Variants in ITGB5 observed in about 807,000 individuals in gnomAD.
ITGB5 encodes the protein integrin beta-5.
In ITGB5, 38 loss-of-function variants were observed where a neutral mutation model predicts 84.8. That is an observed-to-expected ratio of 0.45 (90% confidence interval 0.35 to 0.59). The LOEUF (loss-of-function observed/expected upper bound fraction) is 0.59, where lower values mean the gene tolerates loss of function less well. ITGB5 is among the 20% of genes least tolerant of loss of function. The pLI, the probability that ITGB5 is intolerant of heterozygous loss-of-function variation, is 0.01. For synonymous variants in ITGB5, 393 were observed against 414.4 expected, an observed-to-expected ratio of 0.95 and a Z score of 0.63; for missense variants, 905 against 1,034.5, an observed-to-expected ratio of 0.87 and a Z score of 1.72.
In ITGB5 at chr3:124,873,508, T is replaced by G. The variant is rs747791541; in HGVS notation, c.94A>C (p.Ser32Arg). The change falls in exon 2 of 15, where the codon AGT (serine) becomes CGT (arginine). Residue 32 changes from serine (S) to arginine (R), a missense_variant. By Grantham distance (110) the Ser-to-Arg change is moderately radical (BLOSUM62 -1). Transcript: ENST00000296181. Reference sequence around the variant, plus strand: ...AGACATTCTTCACATGAGGTGGCACTTCCACTAGTGCATATGTTGAGACCT... The same window carrying G: ...AGACATTCTTCACATGAGGTGGCACGTCCACTAGTGCATATGTTGAGACCT... ...LAGLNICTSG[S>R]ATSCEECLLI... 2.8e-5 allele frequency: 45 copies of G among 1,613,594 alleles called. No homozygotes were observed. Among genetic ancestry groups the G allele is most frequent in the Non-Finnish European group, 3.5e-5 (41 of 1,179,668 alleles).
intron 1 of ITGB5, among the ~76,000 whole-genome samples, chr3:124,900,838 A>G (rs1455667592): frequency 6.6e-6 from 1 of 152,224 alleles, no homozygotes; most frequent in Non-Finnish European, 1.5e-5. Context: ...AATCACCGCT[A>G]AATAAAACAT....
chr3:124,772,296 G>A (rs1457577436), intron 11 of ITGB5, among the ~76,000 whole-genome samples: 1 of 152,122 alleles, frequency 6.6e-6, no homozygotes, highest in Admixed American at 6.6e-5. Context: ...TTAAAACCCA[G>A]CCCTGTCTAT....
Position 124,769,043 on chromosome 3 carries a change from C to T in ITGB5, c.1987G>A (p.Asp663Asn), listed in dbSNP as rs1369814566. Reference protein sequence around the residue: ...DNQTCHSLCRDEVITWVDTIV... With the variant: ...DNQTCHSLCRNEVITWVDTIV... ...GTGTCCACCCATGTGATCACCTCAT[C>T]CCTGCATAGGCTGTGGCAGGTCTGG... Residue 663 changes from aspartate to asparagine, a missense_variant, in exon 12 of 15, where the codon GAT (aspartate) becomes AAT (asparagine). Physicochemically the swap from Asp to Asn is conservative, Grantham distance 23. Transcript: ENST00000296181. The T allele has an allele frequency of 5.6e-6, 9 of 1,613,904 alleles. No homozygotes were observed. The highest frequency in any genetic ancestry group is 7.6e-6 in the Non-Finnish European group (9 of 1,179,996).
At chr3:124,837,353 A>AT (rs1490045145) in intron 5 of ITGB5, among the ~76,000 whole-genome samples, 3 of 152,262 alleles carry the variant, frequency 2.0e-5, no homozygotes. Flanking sequence ...TATTCTGACC[A>AT]TAAAAAAGTA....
chr3:124,781,502 G>A (rs2064004556), intron 10 of ITGB5, among the ~76,000 whole-genome samples: 1 of 152,064 alleles, frequency 6.6e-6, no homozygotes, highest in Non-Finnish European at 1.5e-5. Context: ...AAAAAGTAAA[G>A]AACAGAGATT....
intron 9 of ITGB5, among the ~76,000 whole-genome samples, chr3:124,807,815 G>T (rs1377853837): frequency 6.6e-6 from 1 of 151,412 alleles, no homozygotes; most frequent in African/African-American, 2.4e-5. Context: ...GCTGGCGGGC[G>T]CCTGTAGTCC....
intron 14 of ITGB5, among the ~76,000 whole-genome samples, chr3:124,764,002 AACTG>A (rs1357747234): frequency 1.3e-5 from 2 of 152,230 alleles, no homozygotes; most frequent in African/African-American, 4.8e-5. Flanking sequence ...GTTCAGCAGA[AACTG>A]ACTGCGCTCA....
At chr3:124,827,241 T>C (rs1469705772) in intron 5 of ITGB5, among the ~76,000 whole-genome samples, 2 of 152,208 alleles carry the variant, frequency 1.3e-5, no homozygotes, top group Non-Finnish European at 2.9e-5. Flanking sequence ...AGTCAGTCAC[T>C]TCACCTCCTC....
Position 124,819,805 on chromosome 3 carries a change from C to G in ITGB5, c.972G>C (p.Glu324Asp), listed in dbSNP as rs746846830. ...GGTTGATGTTGTTCTCTGCCAATTT[C>G]TCTCCAAGCAAGGCAAGGGATGGAT... ...MDYPSLALLGEKLAENNINLI... is the reference protein window; with the variant it reads ...MDYPSLALLGDKLAENNINLI... Residue 324 changes from glutamate to aspartate, a missense_variant, in exon 7 of 15, where the codon GAG becomes GAC. This residue lies in a region of ITGB5 where 656 missense variants were observed against 734.7 expected (regional missense o/e 0.89). Transcript: ENST00000296181. 11 of 1,613,980 alleles carry G rather than the reference C, an allele frequency of 6.8e-6. No homozygotes were observed. The highest frequency in any genetic ancestry group is 3.3e-5 in the Admixed American group (2 of 60,002).
chr3:124,884,276 A>G (rs948420448), intron 1 of ITGB5, among the ~76,000 whole-genome samples: 4 of 152,102 alleles, frequency 2.6e-5, no homozygotes, highest in Non-Finnish European at 4.4e-5. Context: ...AAACTAGGAG[A>G]AATGACACAG....
intron 5 of ITGB5, among the ~76,000 whole-genome samples, chr3:124,836,784 A>G (rs2107586764): frequency 6.6e-6 from 1 of 152,332 alleles, no homozygotes; most frequent in Non-Finnish European, 1.5e-5. Flanking sequence ...TGGCCAGGGA[A>G]GAATAAAGGT....
At chr3:124,896,217 C>T (rs1935098444) in intron 1 of ITGB5, among the ~76,000 whole-genome samples, 1 of 152,156 alleles carries the variant, frequency 6.6e-6, no homozygotes, top group Non-Finnish European at 1.5e-5. Context: ...CCTAGCGAAT[C>T]CACCCCAATT....
intron 5 of ITGB5, 57 bp downstream of exon 5, chr3:124,841,326 C>A: frequency 6.4e-7 from 1 of 1,550,600 alleles, no homozygotes; most frequent in Non-Finnish European, 8.8e-7. Context: ...CCAACACCCA[C>A]TGACGCTCTC....
At chr3:124,789,322 C>T (rs147157161) in intron 10 of ITGB5, among the ~76,000 whole-genome samples, 36 of 152,100 alleles carry the variant, frequency 2.4e-4, no homozygotes, top group Non-Finnish European at 4.4e-5. Flanking sequence ...TGGCCTTAAT[C>T]TCAGGAGTGG....
At chr3:124,780,864 A>G (rs1300150960) in intron 10 of ITGB5, among the ~76,000 whole-genome samples, 1 of 152,164 alleles carries the variant, frequency 6.6e-6, no homozygotes, top group African/African-American at 2.4e-5. Flanking sequence ...GTGTGGCTGG[A>G]AGCCTTTACA....
At chr3:124,801,421 C>G (rs1404323676) in intron 9 of ITGB5, among the ~76,000 whole-genome samples, 1 of 152,190 alleles carries the variant, frequency 6.6e-6, no homozygotes, top group East Asian at 1.9e-4. Flanking sequence ...CCCTGCCCTG[C>G]CACCTCTCCT....
At chr3:124,842,491 G>A (rs560001335) in intron 4 of ITGB5, among the ~76,000 whole-genome samples, 2 of 152,206 alleles carry the variant, frequency 1.3e-5, no homozygotes, top group Non-Finnish European at 2.9e-5. Flanking sequence ...AGCCAGAGAA[G>A]AGCATGTGCA....
intron 2 of ITGB5, among the ~76,000 whole-genome samples, chr3:124,865,483 T>TTTTTC (rs2065374325): frequency 2.4e-5 from 3 of 126,530 alleles, no homozygotes; most frequent in Admixed American, 7.7e-5. Flanking sequence ...GCTTTTTTCT[T>TTTTTC]TTTTTTTTTT....
In ITGB5 at chr3:124,787,909, C is replaced by CTTTTT. The variant is rs35730935; in HGVS notation, c.1693+8474_1693+8478dup. Among the ~76,000 whole-genome samples, 415 of 137,688 alleles carry CTTTTT rather than the reference C, an allele frequency of 3.0e-3. 8 individuals carry two copies. Among genetic ancestry groups the CTTTTT allele is most frequent in the East Asian group, 7.1e-3 (33 of 4,676 alleles). 90.3% of individuals were successfully genotyped at this position (137,688 alleles called of 152,430 possible). ...GAGTAGTGGCTAGAAACAGATAGCT[C>CTTTTT]TTTTTTTTTTTTTTTTGAGATAGGG... On this transcript the variant is annotated intron_variant, in intron 10 of 14. Transcript: ENST00000296181.
Sources: gnomAD v4.1 joint callset for allele counts (sites outside exome capture counted in the v4.1 genomes callset) on GRCh38, gnomAD v4.1.1 for gene constraint, gnomAD v4.1.1 regional missense constraint, MANE v1.5 for transcripts, NCBI Gene and HGNC (gene_info 2026-07-23, HGNC 2026-07-21) for gene names.